The following ANKRD33B variants were observed in gnomAD, a reference collection of about 807,000 sequenced individuals.
ANKRD33B encodes the protein ankyrin repeat domain 33B.
Under a neutral mutation model 21.5 loss-of-function variants are expected in ANKRD33B, and 6 were observed. The observed-to-expected ratio is 0.28, with a 90% CI of 0.15 to 0.55. The LOEUF is 0.55. ANKRD33B is among the 20% of genes least tolerant of loss of function. The pLI, the probability that ANKRD33B is intolerant of heterozygous loss-of-function variation, is 0.94. For missense variants in ANKRD33B, 698 were observed against 747.2 expected (o/e 0.93, Z 0.77); for synonymous variants, 347 against 342.4 (o/e 1.01, Z -0.15).
At chr5:10,630,271 C>T (rs1308366902) in intron 2 of ANKRD33B, among the ~76,000 whole-genome samples, 1 of 152,176 alleles carries the variant, frequency 6.6e-6, no homozygotes, top group African/African-American at 2.4e-5. Context: ...TTGGGCACTT[C>T]GGCTGGGGCA....
intron 1 of ANKRD33B, among the ~76,000 whole-genome samples, chr5:10,569,927 AG>A (rs1279120901): frequency 2.0e-5 from 3 of 152,098 alleles, no homozygotes; most frequent in African/African-American, 7.2e-5. Context: ...CCCAGTCTAG[AG>A]TGCAGTGGTG....
intron 1 of ANKRD33B, among the ~76,000 whole-genome samples, chr5:10,596,050 C>T (rs1441406365): frequency 2.6e-5 from 4 of 152,114 alleles, no homozygotes; most frequent in South Asian, 2.1e-4. Context: ...TGGCATAAGC[C>T]GAACAGATTG....
intron 1 of ANKRD33B, among the ~76,000 whole-genome samples, chr5:10,609,715 A>G (rs1318764674): frequency 6.6e-6 from 1 of 152,110 alleles, no homozygotes; most frequent in Non-Finnish European, 1.5e-5. Context: ...TCGAGACCAG[A>G]CTGGCCGACG....
At chr5:10,599,026 C>A (rs551094486) in intron 1 of ANKRD33B, among the ~76,000 whole-genome samples, 5 of 152,304 alleles carry the variant, frequency 3.3e-5, no homozygotes, top group African/African-American at 1.2e-4. Flanking sequence ...TAGAGCATTT[C>A]CATCACCATA....
intron 3 of ANKRD33B, among the ~76,000 whole-genome samples, chr5:10,647,998 C>G (rs542882366): frequency 1.3e-5 from 2 of 152,112 alleles, no homozygotes; most frequent in Non-Finnish European, 2.9e-5. Context: ...CTAAAACTGA[C>G]CATCACACCA....
intron 1 of ANKRD33B, among the ~76,000 whole-genome samples, chr5:10,591,056 A>G (rs28401269): frequency 0.56 from 85,131 of 151,304 alleles, 24,401 homozygotes; most frequent in East Asian, 0.7. Flanking sequence ...CTTTCTTTAC[A>G]CTGTTTTGCT....
intron 1 of ANKRD33B, among the ~76,000 whole-genome samples, chr5:10,598,764 C>T (rs961823074): frequency 6.6e-6 from 1 of 152,098 alleles, no homozygotes; most frequent in Admixed American, 6.6e-5. Context: ...GTTAATAATA[C>T]TTGGTTAGCC....
chr5:10,628,741 A>G (rs1329469923), intron 2 of ANKRD33B, among the ~76,000 whole-genome samples: 1 of 152,196 alleles, frequency 6.6e-6, no homozygotes, highest in East Asian at 1.9e-4. Context: ...GCATGCAGTC[A>G]GTTGGAAGTT....
At chr5:10,624,255 G>A (rs969624600) in intron 2 of ANKRD33B, among the ~76,000 whole-genome samples, 4 of 150,568 alleles carry the variant, frequency 2.7e-5, no homozygotes, top group East Asian at 2.0e-4. Flanking sequence ...TCAGCCTCCC[G>A]AGTAGCTGAG....
chr5:10,644,261 C>T (rs1737140454), intron 3 of ANKRD33B, among the ~76,000 whole-genome samples: 1 of 152,210 alleles, frequency 6.6e-6, no homozygotes, highest in Non-Finnish European at 1.5e-5. Flanking sequence ...TTTGGTTTGG[C>T]TTCGTAAGGA....
Position 10,564,487 on chromosome 5 carries a change from C to G in ANKRD33B, c.20C>G (p.Thr7Ser), listed in dbSNP as rs1182053793. 1 of 1,498,710 alleles carries G rather than the reference C, an allele frequency of 6.7e-7. No homozygotes were observed. Among genetic ancestry groups the G allele is most frequent in the South Asian group, 1.2e-5 (1 of 80,704 alleles). The allele number at this position is 1,498,710 out of a possible 1,614,324, so 92.8% of individuals were successfully genotyped here. The change falls in exon 1 of 4, where the codon ACC becomes AGC. Residue 7 changes from threonine to serine, a missense_variant. By Grantham distance (58) the Thr-to-Ser change is moderately conservative. This residue lies in a region of ANKRD33B where 148 missense variants were observed against 154.9 expected (regional missense o/e 0.96). Coordinates refer to ENST00000296657, the MANE Select transcript of ANKRD33B (RefSeq NM_001164440.2). MVLLAG[T>S]GPEGGGARCM... ...GCCGGCATGGTGCTGCTGGCCGGGA[C>G]CGGGCCGGAGGGCGGCGGGGCGCGC...
chr5:10,601,806 G>A (rs1297954787), intron 1 of ANKRD33B, among the ~76,000 whole-genome samples: 1 of 152,164 alleles, frequency 6.6e-6, no homozygotes, highest in Non-Finnish European at 1.5e-5. Flanking sequence ...GTAAGACAAA[G>A]TACAAGCCAC....
In ANKRD33B at chr5:10,564,531, C is replaced by T. The variant is rs1444573258; in HGVS notation, c.64C>T (p.Pro22Ser). The change falls in exon 1 of 4, where the codon CCG (proline) becomes TCG (serine). Residue 22 changes from proline (P) to serine (S), a missense_variant. Transcript: ENST00000296657. ...GGARCMTPPPPSPPRGAQVEE... is the reference protein window; with the variant it reads ...GGARCMTPPPSSPPRGAQVEE... ...GGCGCGCTGCATGACCCCACCACCG[C>T]CGTCCCCACCCCGGGGCGCGCAGGT... The T allele has an allele frequency of 1.3e-6, 2 of 1,532,622 alleles. No individual in the cohort carries two copies. The highest frequency in any genetic ancestry group is 8.7e-7 in the Non-Finnish European group (1 of 1,145,880). 94.9% of individuals were successfully genotyped at this position (1,532,622 alleles called of 1,614,324 possible).
At chr5:10,603,931 T>G (rs1579728331) in intron 1 of ANKRD33B, among the ~76,000 whole-genome samples, 1 of 151,194 alleles carries the variant, frequency 6.6e-6, no homozygotes. Flanking sequence ...TTTCACTCTT[T>G]TTGCCCAGGC....
In ANKRD33B at chr5:10,649,677, C is replaced by T. The variant is rs1471340674; in HGVS notation, c.1049C>T (p.Ala350Val). Residue 350 changes from alanine to valine, a missense_variant, in exon 4 of 4, where the codon GCT becomes GTT. Around this residue, in one of 3 missense-constraint regions of ANKRD33B, gnomAD observed 543 missense variants for 566.5 expected, o/e 0.96. Coordinates refer to ENST00000296657, the MANE Select transcript of ANKRD33B (RefSeq NM_001164440.2). The stretch of plus-strand genomic sequence containing the variant: ...GTGCAGGAGATCCTGGCGGCGCGGG[C>T]TGCACGGGGCCCCCAGGCGCAGGAG... ...LAVQEILAAR[A>V]ARGPQAQEED... 2.6e-6 allele frequency: 4 copies of T among 1,526,140 alleles called. No individual in the cohort carries two copies. The highest frequency in any genetic ancestry group is 3.5e-6 in the Non-Finnish European group (4 of 1,142,028). 94.5% of individuals were successfully genotyped at this position (1,526,140 alleles called of 1,614,324 possible).
intron 1 of ANKRD33B, among the ~76,000 whole-genome samples, chr5:10,613,120 C>A (rs1239373953): frequency 6.6e-6 from 1 of 152,114 alleles, no homozygotes; most frequent in Non-Finnish European, 1.5e-5. Flanking sequence ...GCTCCCTGGG[C>A]CTCTGGTGCT....
Position 10,564,417 on chromosome 5 carries a change from C to G in ANKRD33B, c.-51C>G. On this transcript the variant is annotated 5_prime_UTR_variant, in exon 1 of 4. Transcript: ENST00000296657. ...GGGACCTCGGCGCGCGCCCCGCGTC[C>G]CGCTCTTCCTGCCCGCGCCCCGGCC... 1 of 1,025,550 alleles carries G rather than the reference C, an allele frequency of 9.8e-7. No homozygotes were observed. Among genetic ancestry groups the G allele is most frequent in the Non-Finnish European group, 1.2e-6 (1 of 856,586 alleles). The allele number at this position is 1,025,550 out of a possible 1,614,324, so 63.5% of individuals were successfully genotyped here. A position where few individuals can be genotyped will look rare whatever the true frequency, so the allele number is the denominator to read the frequency against.
intron 1 of ANKRD33B, among the ~76,000 whole-genome samples, chr5:10,578,992 C>T (rs909163950): frequency 3.3e-5 from 5 of 151,868 alleles, no homozygotes; most frequent in Non-Finnish European, 4.4e-5. Context: ...GGCGAAACCC[C>T]ATCTCTACAA....
intron 1 of ANKRD33B, among the ~76,000 whole-genome samples, chr5:10,609,972 A>G (rs143073129): frequency 6.6e-6 from 1 of 152,306 alleles, no homozygotes; most frequent in East Asian, 1.9e-4. Flanking sequence ...AAAGAAGCCA[A>G]TGGGAAATGG....
Sources: gnomAD v4.1 joint callset for allele counts (sites outside exome capture counted in the v4.1 genomes callset) on GRCh38, gnomAD v4.1.1 for gene constraint, gnomAD v4.1.1 regional missense constraint, MANE v1.5 for transcripts, NCBI Gene and HGNC (gene_info 2026-07-23, HGNC 2026-07-21) for gene names.